The following SGCE variants were observed in gnomAD, a reference collection of about 807,000 sequenced individuals.
SGCE encodes the protein epsilon-sarcoglycan.
A neutral mutation model predicts 57.8 loss-of-function variants in SGCE; 26 were observed. The ratio of observed to expected loss-of-function variants is 0.45; its 90% confidence interval spans 0.33 to 0.62. SGCE has a LOEUF of 0.62. Among genes scored for constraint, SGCE ranks in the 20% least tolerant of loss-of-function variants. SGCE has a pLI of 0.02. For synonymous variants in SGCE, 183 were observed against 189.5 expected (o/e 0.97, Z 0.28); for missense variants, 468 against 548.6 (o/e 0.85, Z 1.47).
At chr7:94,624,227 A>C in intron 3 of SGCE, 2 of 398,112 alleles carry the variant, frequency 5.0e-6, no homozygotes, top group Non-Finnish European at 4.4e-6. Context: ...ACCTTCTGGC[A>C]ATGATTGCAG....
chr7:94,623,766 T>C, intron 3 of SGCE: 1 of 391,126 alleles, frequency 2.6e-6, no homozygotes, highest in Non-Finnish European at 4.5e-6. Context: ...TTTGTACTTT[T>C]AAATGGAGTT....
chr7:94,650,269 C>T (rs13226201), intron 1 of SGCE, among the ~76,000 whole-genome samples: 19,438 of 152,174 alleles, frequency 0.13, 1,497 homozygotes, highest in South Asian at 0.25. Flanking sequence ...AGAAGGGACC[C>T]TATTTCCCTC....
At chr7:94,618,500 A>G in intron 5 of SGCE, 1 of 421,498 alleles carries the variant, frequency 2.4e-6, no homozygotes, top group Non-Finnish European at 4.2e-6. Context: ...GGAAGGTACA[A>G]AAGACTTAGT....
intron 1 of SGCE, among the ~76,000 whole-genome samples, chr7:94,638,647 A>G (rs968944260): frequency 2.0e-5 from 3 of 152,166 alleles, no homozygotes; most frequent in African/African-American, 7.2e-5. Context: ...GCCAAAAAAA[A>G]AAAAAAGAAA....
Position 94,628,267 on chromosome 7 carries a change from A to G in SGCE, c.325T>C (p.Tyr109His), listed in dbSNP as rs1804069822. The part of the protein sequence containing the change: ...GWLRYIQRTP[Y>H]SDGVLYGSPT... ...GACCCATATAGGACTCCATCACTATATGGTGTCCTTTGGATATATCGAAGC... is the reference window on the plus strand; with the variant it reads ...GACCCATATAGGACTCCATCACTATGTGGTGTCCTTTGGATATATCGAAGC... Residue 109 changes from tyrosine (Y) to histidine (H), a missense_variant, in exon 3 of 11, where the codon TAT (tyrosine) becomes CAT (histidine). By Grantham distance (83) the Tyr-to-His change is moderately conservative. Transcript: ENST00000648936. 2.5e-6 allele frequency: 4 copies of G among 1,611,868 alleles called. No individual in the cohort carries two copies. The highest frequency in any genetic ancestry group is 2.5e-6 in the Non-Finnish European group (3 of 1,178,632).
At chr7:94,634,211 G>A (rs1388017047) in intron 1 of SGCE, among the ~76,000 whole-genome samples, 1 of 151,994 alleles carries the variant, frequency 6.6e-6, no homozygotes, top group African/African-American at 2.4e-5. Context: ...AGGTTTACAA[G>A]GATCTAATAA....
chr7:94,595,829 A>G (rs1798315671), intron 9 of SGCE, among the ~76,000 whole-genome samples: 1 of 152,156 alleles, frequency 6.6e-6, no homozygotes, highest in Non-Finnish European at 1.5e-5. Flanking sequence ...GGGAGTTACC[A>G]TAGAGACTGT....
At chr7:94,600,035 T>C (rs1156522277) in intron 7 of SGCE, 1 of 264,274 alleles carries the variant, frequency 3.8e-6, no homozygotes, top group African/African-American at 2.2e-5. Context: ...TACTTGCTGC[T>C]TTATTAATTT....
chr7:94,634,987 G>A (rs371764570), intron 1 of SGCE, among the ~76,000 whole-genome samples: 9 of 152,098 alleles, frequency 5.9e-5, no homozygotes, highest in South Asian at 2.1e-4. Context: ...CAATTTAAAC[G>A]AAGAGATCTA....
intron 10 of SGCE, chr7:94,586,755 G>C: frequency 1.3e-6 from 1 of 777,288 alleles, no homozygotes. Context: ...GCCTGCCTTG[G>C]CCTCCCAAAG....
intron 5 of SGCE, among the ~76,000 whole-genome samples, chr7:94,613,423 A>G (rs1801377643): frequency 6.6e-6 from 1 of 152,192 alleles, no homozygotes; most frequent in South Asian, 2.1e-4. Context: ...CATGTTTTCA[A>G]ATTTCAAATG....
intron 1 of SGCE, among the ~76,000 whole-genome samples, chr7:94,647,189 C>A (rs529943792): frequency 2.6e-5 from 4 of 152,088 alleles, no homozygotes; most frequent in Non-Finnish European, 5.9e-5. Context: ...CAAACTAGGA[C>A]CCATACTCTT....
At chr7:94,616,820 A>G (rs903241659) in intron 5 of SGCE, 2 of 152,222 alleles carry the variant, frequency 1.3e-5, no homozygotes, top group Non-Finnish European at 2.9e-5. Context: ...ACACTGGAGT[A>G]ATAGAGCTGG....
chr7:94,626,418 C>T (rs765716692), intron 3 of SGCE: 6 of 151,950 alleles, frequency 3.9e-5, no homozygotes, highest in South Asian at 4.1e-4. Flanking sequence ...CATGTAATCC[C>T]TAATCTACCT....
intron 1 of SGCE, among the ~76,000 whole-genome samples, chr7:94,647,506 G>A (rs1293856540): frequency 6.6e-6 from 1 of 152,144 alleles, no homozygotes; most frequent in Non-Finnish European, 1.5e-5. Context: ...AACAGCTAAA[G>A]TGCTCTTTTT....
At chr7:94,638,538 T>C (rs986235167) in intron 1 of SGCE, among the ~76,000 whole-genome samples, 6 of 152,234 alleles carry the variant, frequency 3.9e-5, no homozygotes, top group Non-Finnish European at 7.4e-5. Context: ...ATTACTATTA[T>C]TTTTATAGAC....
At chr7:94,587,951 C>T in intron 10 of SGCE, 1 of 1,434,178 alleles carries the variant, frequency 7.0e-7, no homozygotes, top group Non-Finnish European at 9.1e-7. Flanking sequence ...ACTCAGAATT[C>T]CACACCCAAC....
At chr7:94,606,528 G>A (rs1345375660) in intron 5 of SGCE, among the ~76,000 whole-genome samples, 1 of 152,174 alleles carries the variant, frequency 6.6e-6, no homozygotes, top group African/African-American at 2.4e-5. Flanking sequence ...CACTATTATA[G>A]CTGGACATTT....
chr7:94,588,366 T>C, intron 10 of SGCE: 1 of 1,135,910 alleles, frequency 8.8e-7, no homozygotes, highest in African/African-American at 1.6e-5. Flanking sequence ...CCTGGATGCA[T>C]CCAAGCTAAG....
Sources: allele counts gnomAD v4.1 joint callset (sites outside exome capture counted in the v4.1 genomes callset), GRCh38; gene constraint gnomAD v4.1.1; transcripts MANE v1.5; gene names NCBI Gene and HGNC (gene_info 2026-07-23, HGNC 2026-07-21).